The following DLG2 variants were observed in gnomAD, a reference collection of about 807,000 sequenced individuals.
DLG2 encodes disks large homolog 2.
In DLG2, 45 loss-of-function variants were observed where a neutral mutation model predicts 132.5. That is an observed-to-expected ratio of 0.34 (90% CI 0.27 to 0.44). The LOEUF (loss-of-function observed/expected upper bound fraction) is 0.44, where lower values mean the gene tolerates loss of function less well. DLG2 is among the 20% of genes least tolerant of loss of function. DLG2 has a pLI of 1.00. For synonymous variants in DLG2, 424 were observed against 419.6 expected (o/e 1.01, Z -0.13); for missense variants, 1,045 against 1,196.9 (o/e 0.87, Z 1.87).
intron 7 of DLG2, among the ~76,000 whole-genome samples, chr11:84,281,000 C>T (rs373064620): frequency 2.0e-5 from 3 of 150,532 alleles, no homozygotes; most frequent in East Asian, 2.0e-4. Context: ...GGATTACAGG[C>T]GTGAGCCACC....
At chr11:84,298,733 T>C (rs2098120295) in intron 7 of DLG2, among the ~76,000 whole-genome samples, 1 of 152,090 alleles carries the variant, frequency 6.6e-6, no homozygotes, top group African/African-American at 2.4e-5. Flanking sequence ...CCTTGAATGA[T>C]GAGAAAGATT....
At chr11:85,480,169 T>G (rs1304311388) in intron 3 of DLG2, among the ~76,000 whole-genome samples, 2 of 152,222 alleles carry the variant, frequency 1.3e-5, no homozygotes, top group African/African-American at 4.8e-5. Flanking sequence ...CTGATGGAAG[T>G]ATAAATCGGC....
chr11:84,318,806 T>A (rs2098384686), intron 7 of DLG2, among the ~76,000 whole-genome samples: 1 of 152,154 alleles, frequency 6.6e-6, no homozygotes, highest in Non-Finnish European at 1.5e-5. Flanking sequence ...CAGGTTCTGG[T>A]CTATGTTAAT....
chr11:85,066,112 G>C (rs571646780), intron 6 of DLG2, among the ~76,000 whole-genome samples: 9 of 151,498 alleles, frequency 5.9e-5, no homozygotes, highest in Non-Finnish European at 1.3e-4. Context: ...AATGATAAAG[G>C]TGACATCACA....
At chr11:85,458,989 C>A (rs1289331052) in intron 3 of DLG2, among the ~76,000 whole-genome samples, 1 of 152,160 alleles carries the variant, frequency 6.6e-6, no homozygotes, top group Non-Finnish European at 1.5e-5. Context: ...TTAATCAGTG[C>A]AATTGGCCCT....
chr11:83,813,236 C>G (rs964070474), intron 17 of DLG2, among the ~76,000 whole-genome samples: 1 of 152,128 alleles, frequency 6.6e-6, no homozygotes, highest in African/African-American at 2.4e-5. Context: ...CCTCAAAAGG[C>G]AGGTACTACT....
In DLG2 at chr11:84,626,847, ATATTTTATTT is replaced by A. The variant is rs1555110160; in HGVS notation, c.358-92126_358-92117del. ...GGAAGCCAAGTGGCTCATCAATTAC[ATATTTTATTT>A]TATTTTATTTTATTTTATTTTATTT... is the stretch of plus-strand genomic sequence containing the variant. On this transcript the variant is annotated intron_variant, in intron 6 of 27. Coordinates refer to ENST00000376104, the MANE Select transcript of DLG2 (RefSeq NM_001142699.3). Among the ~76,000 whole-genome samples, 874 of 144,098 alleles carry A rather than the reference ATATTTTATTT, an allele frequency of 6.1e-3. 7 individuals carry two copies. The highest frequency in any genetic ancestry group is 8.8e-3 in the Non-Finnish European group (582 of 65,904). 94.5% of individuals were successfully genotyped at this position (144,098 alleles called of 152,430 possible).
chr11:84,305,337 G>A (rs2098203965), intron 7 of DLG2, among the ~76,000 whole-genome samples: 1 of 152,114 alleles, frequency 6.6e-6, no homozygotes, highest in African/African-American at 2.4e-5. Flanking sequence ...ATTTTACAAA[G>A]GGTACAGGAA....
chr11:83,710,168 T>G (rs1241577015), intron 18 of DLG2, among the ~76,000 whole-genome samples: 2 of 69,442 alleles, frequency 2.9e-5, no homozygotes, highest in Non-Finnish European at 5.3e-5. Context: ...ATAAGGTACT[T>G]TTTTTTTTTT....
intron 11 of DLG2, among the ~76,000 whole-genome samples, chr11:83,982,495 AAAAAG>A (rs1256777075): frequency 1.3e-5 from 2 of 151,532 alleles, no homozygotes; most frequent in Non-Finnish European, 2.9e-5. Flanking sequence ...AAAAAAAAAA[AAAAAG>A]AAAAGCTTAT....
chr11:84,471,638 A>G (rs1348352008), intron 7 of DLG2, among the ~76,000 whole-genome samples: 2 of 151,728 alleles, frequency 1.3e-5, no homozygotes, highest in African/African-American at 4.8e-5. Flanking sequence ...TGAACAGCCA[A>G]TTTGAAATCT....
chr11:84,591,256 T>TGTGTGTGTGTGTGTGC (rs773255134), intron 6 of DLG2, among the ~76,000 whole-genome samples: 3 of 150,328 alleles, frequency 2.0e-5, no homozygotes, highest in Admixed American at 6.6e-5. Flanking sequence ...TGTGTGTGTG[T>TGTGTGTGTGTGTGTGC]GCGCGTCTTT....
intron 7 of DLG2, among the ~76,000 whole-genome samples, chr11:84,442,629 T>A (rs1011544735): frequency 2.6e-5 from 4 of 151,670 alleles, no homozygotes; most frequent in Admixed American, 6.6e-5. Context: ...TGTATACCTA[T>A]CTAACAAACT....
intron 3 of DLG2, among the ~76,000 whole-genome samples, chr11:85,539,959 G>T (rs767523576): frequency 6.1e-4 from 93 of 152,294 alleles, no homozygotes; most frequent in Non-Finnish European, 3.5e-4. Context: ...GTTTGCGAGT[G>T]CAAAAACATC....
At chr11:85,231,292 T>G (rs1443322623) in intron 4 of DLG2, among the ~76,000 whole-genome samples, 7 of 151,966 alleles carry the variant, frequency 4.6e-5, no homozygotes, top group Non-Finnish European at 7.4e-5. Context: ...TTTGCACTGA[T>G]TTAAGTTCAC....
chr11:85,156,855 T>G (rs1008242629), intron 4 of DLG2, among the ~76,000 whole-genome samples: 1 of 152,236 alleles, frequency 6.6e-6, no homozygotes, highest in African/African-American at 2.4e-5. Flanking sequence ...TTATTCATTG[T>G]TTGTACATTT....
intron 19 of DLG2, among the ~76,000 whole-genome samples, chr11:83,565,140 G>A: frequency 6.6e-6 from 1 of 152,024 alleles, no homozygotes; most frequent in East Asian, 1.9e-4. Context: ...TTGACTTTAA[G>A]ACTACAAATC....
rs764531136 is a variant in DLG2, at chr11:83,532,740, T to G, written c.2161A>C (p.Asn721His). 26 of 1,613,104 alleles carry G rather than the reference T, an allele frequency of 1.6e-5. No homozygotes were observed. The highest frequency in any genetic ancestry group is 2.2e-5 in the Non-Finnish European group (26 of 1,179,460). The change falls in exon 21 of 28, where the codon AAT becomes CAT. Residue 721 changes from asparagine (N) to histidine (H), a missense_variant. Physicochemically the swap from Asn to His is moderately conservative, Grantham distance 68. Around this residue, in one of 4 missense-constraint regions of DLG2, gnomAD observed 398 missense variants for 543.6 expected, o/e 0.73. Transcript: ENST00000376104. ...ERARLKTVKF[N>H]AKPGVIDSKG... ...GAATCAATCACTCCAGGTTTGGCATTAAACTTCACTGTCTTCAATCGGGCA... is the reference window on the plus strand; with the variant it reads ...GAATCAATCACTCCAGGTTTGGCATGAAACTTCACTGTCTTCAATCGGGCA...
chr11:84,585,333 C>G (rs1352976935), intron 6 of DLG2, among the ~76,000 whole-genome samples: 1 of 152,136 alleles, frequency 6.6e-6, no homozygotes, highest in Non-Finnish European at 1.5e-5. Context: ...AACTGGTGAA[C>G]TTACCTTCTG....
Sources: allele counts gnomAD v4.1 joint callset (sites outside exome capture counted in the v4.1 genomes callset), GRCh38; gene constraint gnomAD v4.1.1; regional missense constraint gnomAD v4.1.1; transcripts MANE v1.5; gene names NCBI Gene and HGNC (gene_info 2026-07-23, HGNC 2026-07-21).